PTPRD: variants seen among roughly 807,000 people sequenced by gnomAD.
PTPRD encodes the protein receptor-type tyrosine-protein phosphatase delta.
Under a neutral mutation model 214.5 loss-of-function variants are expected in PTPRD, and 34 were observed. The ratio of observed to expected loss-of-function variants is 0.16; its 90% CI spans 0.12 to 0.21. The LOEUF is 0.21. Among genes scored for constraint, PTPRD ranks in the 10% least tolerant of loss-of-function variants. The pLI is 1.00. For synonymous variants in PTPRD, 1,128 were observed against 845.7 expected (o/e 1.33, Z -5.79); for missense variants, 2,545 against 2,398.7 (o/e 1.06, Z -1.27).
chr9:10,409,590 T>C (rs1257056465), intron 2 of PTPRD, among the ~76,000 whole-genome samples: 1 of 151,858 alleles, frequency 6.6e-6, no homozygotes, highest in Non-Finnish European at 1.5e-5. Flanking sequence ...CCAGTTATAC[T>C]CTACTCTTAA....
intron 2 of PTPRD, among the ~76,000 whole-genome samples, chr9:10,589,420 T>G (rs1347357115): frequency 6.6e-6 from 1 of 152,054 alleles, no homozygotes; most frequent in Non-Finnish European, 1.5e-5. Flanking sequence ...TTCACACATT[T>G]GAGTCCTGTG....
At chr9:10,292,620 T>G (rs1055622504) in intron 3 of PTPRD, among the ~76,000 whole-genome samples, 16 of 151,978 alleles carry the variant, frequency 1.1e-4, no homozygotes, top group Non-Finnish European at 1.9e-4. Flanking sequence ...AATCTTAGGG[T>G]TGGTTGCTAC....
chr9:9,579,436 T>C (rs538711945), intron 7 of PTPRD, among the ~76,000 whole-genome samples: 1 of 152,196 alleles, frequency 6.6e-6, no homozygotes, highest in Non-Finnish European at 1.5e-5. Flanking sequence ...ATAATTATTT[T>C]AATTTTTAAG....
intron 3 of PTPRD, among the ~76,000 whole-genome samples, chr9:10,244,103 C>CT (rs398113228): frequency 0.55 from 83,134 of 150,762 alleles, 24,437 homozygotes; most frequent in East Asian, 0.73. Flanking sequence ...CTACTAATCA[C>CT]TTTTTTTTTC....
intron 3 of PTPRD, among the ~76,000 whole-genome samples, chr9:10,182,470 A>G (rs1364764673): frequency 6.6e-6 from 1 of 152,014 alleles, no homozygotes; most frequent in African/African-American, 2.4e-5. Flanking sequence ...AAAATATGAT[A>G]AGTATAACAA....
At chr9:8,825,646 A>C (rs1175318133) in intron 11 of PTPRD, among the ~76,000 whole-genome samples, 1 of 152,188 alleles carries the variant, frequency 6.6e-6, no homozygotes, top group Non-Finnish European at 1.5e-5. Flanking sequence ...TGTAAAGTGA[A>C]AGTAAGTTTA....
chr9:10,549,001 C>T (rs919276582), intron 2 of PTPRD, among the ~76,000 whole-genome samples: 3 of 152,138 alleles, frequency 2.0e-5, no homozygotes, highest in African/African-American at 7.2e-5. Flanking sequence ...TTTCCACAAG[C>T]AACTTCATGT....
Position 9,060,535 on chromosome 9 carries a change from T to G in PTPRD, c.-142-41800A>C, listed in dbSNP as rs1046728434. Among the ~76,000 whole-genome samples the G allele has an allele frequency of 2.0e-5, 3 of 152,106 alleles. No individual in the cohort carries two copies. In the South Asian group the frequency reaches 6.2e-4, roughly 31 times the overall value. On this transcript the variant is annotated intron_variant, in intron 10 of 45. Coordinates refer to ENST00000381196, the MANE Select transcript of PTPRD (RefSeq NM_002839.4). ...ATTATGTTGTAGTAATATGAACTTC[T>G]GTTCAATGAAAGAAACTAGGAAAGA...
intron 9 of PTPRD, among the ~76,000 whole-genome samples, chr9:9,205,944 G>A (rs961366485): frequency 6.6e-6 from 1 of 152,178 alleles, no homozygotes; most frequent in African/African-American, 2.4e-5. Context: ...ATGATACTGG[G>A]ATGTAGTGAG....
At chr9:9,878,276 A>C (rs2067508977) in intron 5 of PTPRD, among the ~76,000 whole-genome samples, 1 of 152,178 alleles carries the variant, frequency 6.6e-6, no homozygotes, top group African/African-American at 2.4e-5. Context: ...TAGTTATTAC[A>C]TCATGCTAGA....
chr9:8,876,286 GT>G (rs1456065015), intron 11 of PTPRD, among the ~76,000 whole-genome samples: 1 of 151,634 alleles, frequency 6.6e-6, no homozygotes, highest in African/African-American at 2.4e-5. Flanking sequence ...TACTCAGACT[GT>G]TTTTTTTAAA....
At chr9:8,743,688 T>C (rs2154448138) in intron 11 of PTPRD, among the ~76,000 whole-genome samples, 1 of 152,024 alleles carries the variant, frequency 6.6e-6, no homozygotes, top group Non-Finnish European at 1.5e-5. Flanking sequence ...AGACATCGGC[T>C]TAGGCAAAGA....
intron 2 of PTPRD, among the ~76,000 whole-genome samples, chr9:10,551,281 G>A (rs1424231223): frequency 2.0e-5 from 3 of 152,188 alleles, no homozygotes; most frequent in Non-Finnish European, 4.4e-5. Context: ...CCAGGTTACA[G>A]TGAGCTATGA....
chr9:9,197,431 G>A (rs2132121738), intron 9 of PTPRD, among the ~76,000 whole-genome samples: 1 of 152,154 alleles, frequency 6.6e-6, no homozygotes, highest in Admixed American at 6.5e-5. Flanking sequence ...ATTATTTTGA[G>A]ATGGAGTCTC....
chr9:10,457,871 TAA>T (rs2098929901), intron 2 of PTPRD, among the ~76,000 whole-genome samples: 1 of 152,018 alleles, frequency 6.6e-6, no homozygotes, highest in African/African-American at 2.4e-5. Context: ...CAAATAGAGA[TAA>T]GACTTATATA....
At chr9:10,402,099 G>A (rs1009805629) in intron 2 of PTPRD, among the ~76,000 whole-genome samples, 8 of 151,536 alleles carry the variant, frequency 5.3e-5, no homozygotes, top group Non-Finnish European at 1.2e-4. Flanking sequence ...AAAAGAAAAA[G>A]GGTATAAAAT....
intron 3 of PTPRD, among the ~76,000 whole-genome samples, chr9:10,143,708 T>C (rs1248358138): frequency 2.0e-5 from 3 of 152,082 alleles, no homozygotes; most frequent in East Asian, 1.9e-4. Flanking sequence ...ATATACACCA[T>C]GGGACACTAT....
At chr9:8,718,312 G>C (rs2098457593) in intron 12 of PTPRD, among the ~76,000 whole-genome samples, 1 of 152,120 alleles carries the variant, frequency 6.6e-6, no homozygotes, top group African/African-American at 2.4e-5. Context: ...AAGCTCTCTA[G>C]AGAAACTAGA....
At chr9:10,028,906 A>C (rs1444421773) in intron 4 of PTPRD, among the ~76,000 whole-genome samples, 3 of 152,192 alleles carry the variant, frequency 2.0e-5, no homozygotes, top group Non-Finnish European at 1.5e-5. Flanking sequence ...GGCATGTCAG[A>C]GGTCTTCACA....
Sources: allele counts gnomAD v4.1 joint callset (sites outside exome capture counted in the v4.1 genomes callset), GRCh38; gene constraint gnomAD v4.1.1; transcripts MANE v1.5; gene names NCBI Gene and HGNC (gene_info 2026-07-23, HGNC 2026-07-21).